Variants in NECTIN2 observed in about 807,000 individuals in gnomAD.
NECTIN2 encodes the protein nectin cell adhesion molecule 2.
In NECTIN2, 23 loss-of-function variants were observed where a neutral mutation model predicts 56.9. The ratio of observed to expected loss-of-function variants is 0.40; its 90% CI spans 0.29 to 0.57. The LOEUF is 0.57. Among genes scored for constraint, NECTIN2 ranks in the 20% least tolerant of loss-of-function variants. The probability of loss-of-function intolerance (pLI) is 0.38; values close to 1 mark genes in which losing one functional copy is unlikely to be tolerated. For synonymous variants in NECTIN2, 302 were observed against 313.8 expected (o/e 0.96, Z 0.40); for missense variants, 587 against 718.3 (o/e 0.82, Z 2.09).
chr19:44,866,577 A>G (rs1969104223), intron 2 of NECTIN2, among the ~76,000 whole-genome samples: 1 of 151,960 alleles, frequency 6.6e-6, no homozygotes, highest in Non-Finnish European at 1.5e-5. Context: ...AATGGCAAGT[A>G]CAAAGGCCCT....
At chr19:44,882,532 T>C (rs987825626) in intron 6 of NECTIN2, among the ~76,000 whole-genome samples, 168 bp downstream of exon 6, 2 of 151,862 alleles carry the variant, frequency 1.3e-5, no homozygotes, top group African/African-American at 4.8e-5. Context: ...CTCTCTGCTA[T>C]AAAGTATGGC....
At position 44,875,034 on chromosome 19, in the gene NECTIN2, T is replaced by C. The variant is rs1599922759; in HGVS notation, c.1042+556T>C. On this transcript the variant is annotated intron_variant, in intron 5 of 8. Coordinates refer to ENST00000252483, the MANE Select transcript of NECTIN2 (RefSeq NM_001042724.2). This position sits in a 1 kb window ranked among gnomAD's most constrained non-coding sequence, Gnocchi z 4.2. ...CTGGGACAGAGAGACCCCTGGGTCC[T>C]GGAGATAGGGCCAGAGACCCCTCCT... is the stretch of plus-strand genomic sequence containing the variant. Among the ~76,000 whole-genome samples, 2 of 152,264 alleles carry C rather than the reference T, an allele frequency of 1.3e-5. No individual in the cohort carries two copies. Among genetic ancestry groups the C allele is most frequent in the Non-Finnish European group, 2.9e-5 (2 of 68,004 alleles).
chr19:44,870,462 C>A (rs1439359871), intron 2 of NECTIN2, among the ~76,000 whole-genome samples: 3 of 152,056 alleles, frequency 2.0e-5, no homozygotes, highest in Non-Finnish European at 2.9e-5. Flanking sequence ...AGATGTGAGT[C>A]TGGGTGGGGG....
chr19:44,878,976 C>A, intron 5 of NECTIN2: 1 of 983,302 alleles, frequency 1.0e-6, no homozygotes, highest in Non-Finnish European at 1.2e-6. Flanking sequence ...CCCCTCCTTG[C>A]ATGTTGGGGA....
rs191872036 is a variant in NECTIN2 at position 44,868,257 on chromosome 19, A to C, written c.478+2597A>C. ...ACACACCTGTAGTCCCAGCTACCCAAGAGGCTGAGGTGGGAGGATCGCTTG... is the reference window on the plus strand; with the variant it reads ...ACACACCTGTAGTCCCAGCTACCCACGAGGCTGAGGTGGGAGGATCGCTTG... On this transcript the variant is annotated intron_variant, in intron 2 of 8. Transcript: ENST00000252483. 9.3e-4 allele frequency among the ~76,000 whole-genome samples: 141 copies of C among 151,164 alleles called. No individual in the cohort carries two copies. The Middle Eastern group carries it at 0.01, about 11-fold the overall frequency.
chr19:44,856,921 G>A (rs1968971913), intron 1 of NECTIN2, among the ~76,000 whole-genome samples: 1 of 152,184 alleles, frequency 6.6e-6, no homozygotes, highest in African/African-American at 2.4e-5. Flanking sequence ...CTGGCCTGCA[G>A]CAGGCGGCTG....
At chr19:44,887,015 C>CAA (rs113580794) in intron 8 of NECTIN2, among the ~76,000 whole-genome samples, 2 of 115,826 alleles carry the variant, frequency 1.7e-5, no homozygotes, top group Admixed American at 1.8e-4. Flanking sequence ...GACCCTATCT[C>CAA]AAAAAAAAAA....
chr19:44,866,120 C>T (rs540570450), intron 2 of NECTIN2, among the ~76,000 whole-genome samples: 17 of 151,818 alleles, frequency 1.1e-4, no homozygotes, highest in African/African-American at 4.1e-4. Flanking sequence ...TGCAGTGAGC[C>T]GAGATTGTGC....
At chr19:44,885,900 G>A (rs764947508) in intron 6 of NECTIN2, 37 bp from the exon 7 acceptor site, 1 of 1,512,192 alleles carries the variant, frequency 6.6e-7, no homozygotes, top group Admixed American at 1.7e-5. Flanking sequence ...GGATGCCTGG[G>A]TCTTAATCTC....
chr19:44,857,774 C>T (rs1321817754), intron 1 of NECTIN2, among the ~76,000 whole-genome samples: 1 of 149,908 alleles, frequency 6.7e-6, no homozygotes, highest in African/African-American at 2.5e-5. Context: ...AACTCCTGGC[C>T]TCAAGTGATC....
At chr19:44,849,988 C>T (rs1968881752) in intron 1 of NECTIN2, among the ~76,000 whole-genome samples, 1 of 152,092 alleles carries the variant, frequency 6.6e-6, no homozygotes, top group Admixed American at 6.6e-5. Flanking sequence ...TACAAAGAGA[C>T]AGAGAATATA....
chr19:44,882,343 AG>A lies in NECTIN2; in HGVS notation c.1180del (p.Ala394GlnfsTer101). ...CAGCAGCGGAAGGAGCAGACGCTGCAGGGGGCAGAGGAGGACGAAGAGTAAG... is the reference window on the plus strand; with the variant it reads ...CAGCAGCGGAAGGAGCAGACGCTGCAGGGGCAGAGGAGGACGAAGAGTAAG... ...CRQQRKEQTL[Q>X]GAEEDEDLEG... is the part of the protein sequence containing the mutation. On this transcript the variant is annotated frameshift_variant, in exon 6 of 9. Transcript: ENST00000252483. LOFTEE classifies it high-confidence loss of function. 6.8e-7 allele frequency: 1 copy of A among 1,477,028 alleles called. No homozygotes were observed. The highest frequency in any genetic ancestry group is 9.0e-7 in the Non-Finnish European group (1 of 1,107,014). The allele number at this position is 1,477,028 out of a possible 1,614,324, so 91.5% of individuals were successfully genotyped here.
At chr19:44,850,779 T>G (rs1054581292) in intron 1 of NECTIN2, among the ~76,000 whole-genome samples, 2 of 152,112 alleles carry the variant, frequency 1.3e-5, no homozygotes, top group Non-Finnish European at 2.9e-5. Context: ...GGATTTCCGC[T>G]GTGGGGGTTG....
chr19:44,860,452 A>C (rs1969019190), intron 1 of NECTIN2, among the ~76,000 whole-genome samples: 1 of 152,130 alleles, frequency 6.6e-6, no homozygotes, highest in Non-Finnish European at 1.5e-5. Context: ...GACGGTTTGC[A>C]GTGAGCAGAA....
chr19:44,882,311 C>T lies in NECTIN2; in HGVS notation c.1143C>T (p.Ile381=). ...CTGTGGCTGCCACGGGCATCCTTAT[C>T]TGCCGGCAGCAGCGGAAGGAGCAGA... is the stretch of plus-strand genomic sequence containing the variant. ...ATAVAATGIL[I]CRQQRKEQTL... The change falls in exon 6 of 9, where the codon ATC becomes ATT. Residue 381 remains isoleucine, a synonymous_variant. Transcript: ENST00000252483. The T allele has an allele frequency of 6.4e-7, 1 of 1,553,438 alleles. No homozygotes were observed. The highest frequency in any genetic ancestry group is 2.5e-5 in the East Asian group (1 of 40,486).
chr19:44,886,332 T>C lies in NECTIN2; in HGVS notation c.1347+113T>C. ...AGGTCATAACTCAAGGTCAAGGGTG[T>C]GTCCCCGGTTGGTGCTTAATGCATT... On this transcript the variant is annotated intron_variant, in intron 8 of 8. Coordinates refer to ENST00000252483, the MANE Select transcript of NECTIN2 (RefSeq NM_001042724.2). 6.0e-6 allele frequency: 5 copies of C among 829,692 alleles called. No individual in the cohort carries two copies. In the South Asian group the frequency reaches 6.6e-5, roughly 11 times the overall value. 51.4% of individuals were successfully genotyped at this position (829,692 alleles called of 1,614,324 possible).
chr19:44,870,704 G>C (rs1173485394), intron 2 of NECTIN2, among the ~76,000 whole-genome samples: 1 of 151,486 alleles, frequency 6.6e-6, no homozygotes, highest in Non-Finnish European at 1.5e-5. Context: ...TTACTCGCTC[G>C]GCCTTGATTT....
chr19:44,861,581 G>T (rs2122652690), intron 1 of NECTIN2, among the ~76,000 whole-genome samples: 1 of 152,264 alleles, frequency 6.6e-6, no homozygotes, highest in South Asian at 2.1e-4. Flanking sequence ...CCTACAGAGT[G>T]GGAGAACATT....
intron 2 of NECTIN2, among the ~76,000 whole-genome samples, chr19:44,869,603 AAAAAAAG>A (rs1402361010): frequency 2.8e-5 from 4 of 145,374 alleles, no homozygotes; most frequent in African/African-American, 5.6e-5. Flanking sequence ...AAAAAAAAAA[AAAAAAAG>A]AAAAGAAAAT....
Sources: allele counts gnomAD v4.1 joint callset (sites outside exome capture counted in the v4.1 genomes callset), GRCh38; gene constraint gnomAD v4.1.1; non-coding constraint Gnocchi (gnomAD v3.1); transcripts MANE v1.5; gene names NCBI Gene and HGNC (gene_info 2026-07-23, HGNC 2026-07-21).